Variants in ST7 observed in about 807,000 individuals in gnomAD.
The protein encoded by ST7 is suppression of tumorigenicity 7, also known as suppressor of tumorigenicity 7 protein.
In ST7, 28 loss-of-function variants were observed where a neutral mutation model predicts 78.7. That is an observed-to-expected ratio of 0.36 (90% CI 0.26 to 0.49). The LOEUF (loss-of-function observed/expected upper bound fraction) is 0.49, where lower values mean the gene tolerates loss of function less well. Ranked by LOEUF, ST7 falls within the 20% of genes least tolerant of loss-of-function variation. ST7 has a pLI of 0.99. For synonymous variants in ST7, 247 were observed against 249.6 expected, an observed-to-expected ratio of 0.99 and a Z score of 0.10; for missense variants, 418 against 696.0, an observed-to-expected ratio of 0.60 and a Z score of 4.49.
rs1475634301 is a variant in ST7, at chr7:117,190,700, C to T, written c.1152-134C>T. 3.0e-6 allele frequency: 2 copies of T among 656,250 alleles called. No homozygotes were observed. The highest frequency in any genetic ancestry group is 1.8e-5 in the African/African-American group (1 of 55,262). 40.7% of individuals were successfully genotyped at this position (656,250 alleles called of 1,614,324 possible). On this transcript the variant is annotated intron_variant, in intron 11 of 15. Transcript: ENST00000323984. This position sits in a 1 kb window ranked among gnomAD's most constrained non-coding sequence, Gnocchi z 5.2. ...CGGTCCGTGGGGTCACTCAGAGGTT[C>T]CATGCAGTAGAAGTTTGGAGAGCTC...
chr7:116,970,233 G>A (rs1456853819), intron 1 of ST7, among the ~76,000 whole-genome samples: 1 of 152,164 alleles, frequency 6.6e-6, no homozygotes, highest in East Asian at 1.9e-4. Flanking sequence ...TACATATTTT[G>A]CTTTCTCCAG....
chr7:117,038,010 A>G (rs1169886783), intron 1 of ST7, among the ~76,000 whole-genome samples: 1 of 152,224 alleles, frequency 6.6e-6, no homozygotes, highest in East Asian at 1.9e-4. Flanking sequence ...AAAAAATCTG[A>G]TGGTAGATGT....
At chr7:117,100,473 C>T (rs1010345796) in intron 2 of ST7, among the ~76,000 whole-genome samples, 1 of 151,866 alleles carries the variant, frequency 6.6e-6, no homozygotes, top group Non-Finnish European at 1.5e-5. Flanking sequence ...GACTCTGTCT[C>T]AAACAAACAA....
intron 1 of ST7, among the ~76,000 whole-genome samples, chr7:117,005,230 CTT>C (rs1795108432): frequency 6.6e-6 from 1 of 152,010 alleles, no homozygotes; most frequent in South Asian, 2.1e-4. Context: ...ACAAAAATAA[CTT>C]AATTTTTTTT....
chr7:117,128,764 A>G (rs1804084095), intron 3 of ST7, among the ~76,000 whole-genome samples: 2 of 151,904 alleles, frequency 1.3e-5, no homozygotes, highest in South Asian at 4.1e-4. Context: ...GGATGGATGG[A>G]TGTTGAATGT....
rs556173677 is a variant in ST7, at chr7:117,109,767, A to C, written c.235-9794A>C. ...ATAAAACTACAGATCAATATCTCTGATGAACGTAGATACAAAAATTCTCAG... is the reference window on the plus strand; with the variant it reads ...ATAAAACTACAGATCAATATCTCTGCTGAACGTAGATACAAAAATTCTCAG... On this transcript the variant is annotated intron_variant, in intron 2 of 15. Transcript: ENST00000323984. Among the ~76,000 whole-genome samples, 37 of 152,350 alleles carry C rather than the reference A, an allele frequency of 2.4e-4. 2 individuals carry two copies. The South Asian group carries it at 7.7e-3, about 32-fold the overall frequency.
At chr7:116,992,084 A>T (rs1357940682) in intron 1 of ST7, among the ~76,000 whole-genome samples, 1 of 152,096 alleles carries the variant, frequency 6.6e-6, no homozygotes, top group Non-Finnish European at 1.5e-5. Context: ...CCTCTCTCCC[A>T]CTGCTTTCAT....
chr7:117,065,489 G>T (rs530928688), intron 1 of ST7, among the ~76,000 whole-genome samples: 1 of 152,280 alleles, frequency 6.6e-6, no homozygotes, highest in East Asian at 1.9e-4. Context: ...GATTACAGGC[G>T]TGAGCCACTG....
chr7:117,167,574 G>A (rs1209751635), intron 9 of ST7, among the ~76,000 whole-genome samples: 2 of 152,004 alleles, frequency 1.3e-5, no homozygotes, highest in Non-Finnish European at 2.9e-5. Flanking sequence ...GCAAGAGCAG[G>A]ATGTTAGGTT....
intron 1 of ST7, among the ~76,000 whole-genome samples, chr7:117,041,742 A>G: frequency 6.6e-6 from 1 of 152,230 alleles, no homozygotes; most frequent in East Asian, 1.9e-4. Context: ...TAAACACAGT[A>G]ATGGCCCCCA....
chr7:117,217,483 T>G (rs1792781984), intron 13 of ST7, among the ~76,000 whole-genome samples: 1 of 152,132 alleles, frequency 6.6e-6, no homozygotes, highest in Admixed American at 6.5e-5. Context: ...TTGTTTTTGT[T>G]TGTTTTTGTG....
intron 9 of ST7, among the ~76,000 whole-genome samples, chr7:117,157,292 A>G (rs1232507499): frequency 6.6e-6 from 1 of 152,154 alleles, no homozygotes; most frequent in Non-Finnish European, 1.5e-5. Flanking sequence ...TTTTGGGGTA[A>G]CTCAACAGCT....
chr7:116,972,752 G>A (rs1793495747), intron 1 of ST7: 5 of 919,052 alleles, frequency 5.4e-6, no homozygotes, highest in East Asian at 2.4e-5. Flanking sequence ...TGGATCCTAC[G>A]GTTCAAGGAG....
intron 1 of ST7, among the ~76,000 whole-genome samples, chr7:117,012,112 T>C (rs1795409582): frequency 6.6e-6 from 1 of 152,188 alleles, no homozygotes; most frequent in African/African-American, 2.4e-5. Flanking sequence ...CCACTCTCAT[T>C]TTAAGCTATC....
At chr7:116,959,269 C>G (rs751982323) in intron 1 of ST7, 2 of 470,774 alleles carry the variant, frequency 4.2e-6, no homozygotes, top group East Asian at 1.4e-4. Context: ...ACAATTCAGT[C>G]ACATCTTAAA....
intron 1 of ST7, among the ~76,000 whole-genome samples, chr7:117,050,866 G>A (rs572085093): frequency 6.7e-6 from 1 of 150,250 alleles, no homozygotes; most frequent in African/African-American, 2.4e-5. Flanking sequence ...GGAGGCGGAA[G>A]TTGCAGTGAG....
At chr7:117,093,620 G>A (rs911234669) in intron 1 of ST7, among the ~76,000 whole-genome samples, 1 of 152,142 alleles carries the variant, frequency 6.6e-6, no homozygotes, top group African/African-American at 2.4e-5. Flanking sequence ...GGAATCACTT[G>A]AACCCGGGAG....
At chr7:117,099,046 C>CAAAAAAAAAAAAAAAAAAAAAA (rs754881472) in intron 1 of ST7, among the ~76,000 whole-genome samples, 7 of 30,812 alleles carry the variant, frequency 2.3e-4, no homozygotes, top group African/African-American at 6.7e-4. Context: ...CTCACTTTCG[C>CAAAAAAAAAAAAAAAAAAAAAA]AAAAAAAAAA....
chr7:116,998,100 G>C (rs1304371110), intron 1 of ST7, among the ~76,000 whole-genome samples: 1 of 152,256 alleles, frequency 6.6e-6, no homozygotes, highest in Admixed American at 6.5e-5. Context: ...AGGCAGGGGG[G>C]AGGCTCGGGC....
Sources: allele counts gnomAD v4.1 joint callset (sites outside exome capture counted in the v4.1 genomes callset), GRCh38; gene constraint gnomAD v4.1.1; non-coding constraint Gnocchi (gnomAD v3.1); transcripts MANE v1.5; gene names NCBI Gene and HGNC (gene_info 2026-07-23, HGNC 2026-07-21).